Variants in MAP3K15 observed in about 807,000 individuals in gnomAD.
MAP3K15 encodes the protein MAPK/ERK kinase kinase 15.
MAP3K15 carries 124 observed loss-of-function variants against 99.5 expected under a neutral mutation model. The observed-to-expected ratio is 1.25, with a 90% CI of 1.08 to 1.45. MAP3K15 has a LOEUF of 1.45. Among genes scored for constraint, MAP3K15 ranks in the 40% most tolerant of loss-of-function variants. The pLI is 0.00. For missense variants in MAP3K15, 1,242 were observed against 1,079.7 expected (o/e 1.15, Z -2.11); for synonymous variants, 494 against 439.6 (o/e 1.12, Z -1.55).
At chrX:19,456,825 T>G in intron 6 of MAP3K15, 88 bp downstream of exon 6, 1 of 656,367 alleles carries the variant, frequency 1.5e-6, no homozygotes, top group Middle Eastern at 3.1e-4. Context: ...GCACGTGACC[T>G]GGCTCATACC....
chrX:19,461,992 AACACACACACACACACACACACACAC>A (rs66666219), intron 4 of MAP3K15, among the ~76,000 whole-genome samples: 2 of 100,590 alleles, frequency 2.0e-5, no homozygotes, highest in Admixed American at 1.1e-4. Flanking sequence ...CTTGGTCTAA[AACACACACACACACACACACACACAC>A]ACACACACAC....
At chrX:19,499,334 A>G (rs2147420265) in intron 1 of MAP3K15, among the ~76,000 whole-genome samples, 1 of 112,478 alleles carries the variant, frequency 8.9e-6, no homozygotes, top group Admixed American at 9.5e-5. Flanking sequence ...CTAAGAATAT[A>G]AAATGGTACA....
chrX:19,375,464 G>A (rs773204967), intron 19 of MAP3K15, among the ~76,000 whole-genome samples: 3 of 112,021 alleles, frequency 2.7e-5, no homozygotes, highest in African/African-American at 6.5e-5. Context: ...AGTAAGAGTT[G>A]GTTCTGAGCT....
chrX:19,467,222 C>G (rs969843638), intron 3 of MAP3K15, among the ~76,000 whole-genome samples: 20 of 110,978 alleles, frequency 1.8e-4, no homozygotes, highest in African/African-American at 6.6e-4. Context: ...CCATAAACTG[C>G]TCCCCCGCCC....
intron 15 of MAP3K15, among the ~76,000 whole-genome samples, chrX:19,396,254 A>G (rs1468522606): frequency 8.9e-6 from 1 of 112,039 alleles, no homozygotes; most frequent in East Asian, 2.8e-4. Flanking sequence ...ACCTATCATC[A>G]TAAGTTCAGC....
intron 18 of MAP3K15, among the ~76,000 whole-genome samples, chrX:19,388,042 T>C (rs1467767339): frequency 8.9e-6 from 1 of 112,490 alleles, no homozygotes; most frequent in African/African-American, 3.2e-5. Context: ...CTGCAGCTGG[T>C]GATTAGGGAG....
Position 19,464,215 on chromosome X carries a change from T to C in MAP3K15, c.717A>G (p.Ser239=), listed in dbSNP as rs1277415045. The change falls in exon 4 of 29, where the codon TCA becomes TCG. Residue 239 remains serine, a splice_region_variant and synonymous_variant. Transcript: ENST00000338883. ...ISLLKDIHVT[S]CVYYKETLLN... The stretch of plus-strand genomic sequence containing the variant: ...TACTGGTGGCAGATGGGAATTACCA[T>C]GAGGTCACGTGGATGTCCTTAAGGA... 1.7e-6 allele frequency: 2 copies of C among 1,189,807 alleles called. No individual in the cohort carries two copies. Among genetic ancestry groups the C allele is most frequent in the East Asian group, 3.0e-5 (1 of 33,587 alleles).
At chrX:19,388,960 G>C (rs2063509340) in intron 18 of MAP3K15, among the ~76,000 whole-genome samples, 1 of 111,986 alleles carries the variant, frequency 8.9e-6, no homozygotes. Flanking sequence ...ATTCAGCCAT[G>C]AACAACAACG....
chrX:19,464,457 A>G, intron 3 of MAP3K15, 51 bp from the exon 4 acceptor site: 1 of 1,034,926 alleles, frequency 9.7e-7, no homozygotes, highest in Non-Finnish European at 1.3e-6. Flanking sequence ...GTGGAAGTGT[A>G]GGCTCTGGGC....
rs751987565 is a variant in MAP3K15, at chrX:19,394,664, T to C, written c.2194+417A>G. 3.6e-5 allele frequency among the ~76,000 whole-genome samples: 4 copies of C among 111,326 alleles called. No individual in the cohort carries two copies. In the South Asian group the frequency reaches 1.5e-3, roughly 42 times the overall value. ...GTGAAGGCCTCAAGGCCAAAGACTA[T>C]GTTTTCTCCATAGACAGTCAATGAA... On this transcript the variant is annotated intron_variant, in intron 16 of 28. Coordinates refer to ENST00000338883, the MANE Select transcript of MAP3K15 (RefSeq NM_001001671.4).
chrX:19,360,964 C>T (rs189054591), intron 28 of MAP3K15, 131 bp from the exon 29 acceptor site: 16 of 475,018 alleles, frequency 3.4e-5, no homozygotes, highest in African/African-American at 3.1e-4. Context: ...CGCTCGTGTC[C>T]CAGCAGTAGT....
chrX:19,407,260 C>T lies in MAP3K15; in HGVS notation c.1772G>A (p.Cys591Tyr). 8.4e-7 allele frequency: 1 copy of T among 1,183,682 alleles called. No homozygotes were observed. The highest frequency in any genetic ancestry group is 1.1e-6 in the Non-Finnish European group (1 of 879,416). Reference sequence around the variant, plus strand: ...ATTATCATGGACATAAAGAAAACAACACCTTTCATCAAACTTTGATAGGCT... The same window carrying T: ...ATTATCATGGACATAAAGAAAACAATACCTTTCATCAAACTTTGATAGGCT... The part of the protein sequence containing the change: ...GISLSKFDER[C>Y]CFLYVHDNSD... The change falls in exon 13 of 29, where the codon TGT (cysteine) becomes TAT (tyrosine). Residue 591 changes from cysteine to tyrosine, a missense_variant. By Grantham distance (194) the Cys-to-Tyr change is radical. Transcript: ENST00000338883.
intron 21 of MAP3K15, 75 bp downstream of exon 21, chrX:19,373,461 C>G: frequency 8.9e-7 from 1 of 1,118,468 alleles, no homozygotes; most frequent in African/African-American, 1.8e-5. Flanking sequence ...TGGTTGGGAC[C>G]AGGGAGGTGC....
intron 1 of MAP3K15, among the ~76,000 whole-genome samples, chrX:19,500,961 C>T (rs776494163): frequency 8.9e-6 from 1 of 112,117 alleles, no homozygotes; most frequent in East Asian, 2.8e-4. Context: ...TTAAATGCTG[C>T]AGGTGAAATG....
chrX:19,401,900 T>C (rs1417097599), intron 13 of MAP3K15, among the ~76,000 whole-genome samples: 3 of 112,173 alleles, frequency 2.7e-5, no homozygotes, highest in Non-Finnish European at 5.6e-5. Context: ...CTAACCCATC[T>C]TACCTTTTCT....
intron 9 of MAP3K15, among the ~76,000 whole-genome samples, chrX:19,420,465 C>T (rs1602293167): frequency 9.0e-6 from 1 of 111,458 alleles, no homozygotes; most frequent in Admixed American, 9.6e-5. Flanking sequence ...TCGACACATA[C>T]ACCCTCCCAA....
At chrX:19,376,593 G>A (rs1489446109) in intron 19 of MAP3K15, among the ~76,000 whole-genome samples, 1 of 111,068 alleles carries the variant, frequency 9.0e-6, no homozygotes, top group African/African-American at 3.3e-5. Flanking sequence ...CCACAGGTGT[G>A]CACCACCACA....
chrX:19,447,354 T>C (rs921388745), intron 6 of MAP3K15, among the ~76,000 whole-genome samples: 1 of 111,697 alleles, frequency 9.0e-6, no homozygotes, highest in African/African-American at 3.3e-5. Context: ...GTCCTTTCTT[T>C]ACAAGTCCTT....
chrX:19,468,677 G>T (rs148496949), intron 3 of MAP3K15, among the ~76,000 whole-genome samples: 1 of 111,369 alleles, frequency 9.0e-6, no homozygotes, highest in South Asian at 3.8e-4. Flanking sequence ...GCTTGATGGG[G>T]ATGGCATTGA....
Sources: gnomAD v4.1 joint callset for allele counts (sites outside exome capture counted in the v4.1 genomes callset) on GRCh38, gnomAD v4.1.1 for gene constraint, MANE v1.5 for transcripts, NCBI Gene and HGNC (gene_info 2026-07-23, HGNC 2026-07-21) for gene names.